ANO7: variants seen among roughly 807,000 people sequenced by gnomAD.
ANO7 encodes anoctamin 7.
A neutral mutation model predicts 115.8 loss-of-function variants in ANO7; 114 were observed. The ratio of observed to expected loss-of-function variants is 0.98; its 90% confidence interval spans 0.85 to 1.15. The LOEUF is 1.15. Among genes scored for constraint, ANO7 ranks in the 50% most tolerant of loss-of-function variants. ANO7 has a pLI of 0.00. For synonymous variants in ANO7, 550 were observed against 498.2 expected, an observed-to-expected ratio of 1.10 and a Z score of -1.38; for missense variants, 1,302 against 1,201.2, an observed-to-expected ratio of 1.08 and a Z score of -1.24.
chr2:241,229,785 C>A (rs779996804), downstream of ANO7: 2 of 505,740 alleles, frequency 4.0e-6, no homozygotes, highest in East Asian at 6.5e-5. Flanking sequence ...AGCCCGCCTG[C>A]CCGCCCACCC....
At chr2:241,226,735 C>CT (rs1250819006), downstream of ANO7, among the ~76,000 whole-genome samples, 2 of 152,164 alleles carry the variant, frequency 1.3e-5, no homozygotes, top group African/African-American at 2.4e-5. Flanking sequence ...ACATGTTTGG[C>CT]TTTAAGAGGA....
chr2:241,212,739 A>C, intron 17 of ANO7, 113 bp downstream of exon 17: 1 of 1,253,010 alleles, frequency 8.0e-7, no homozygotes, highest in Non-Finnish European at 1.1e-6. Flanking sequence ...GGCTATTTCC[A>C]TCGCCCAGCC....
At position 241,188,768 on chromosome 2, in the gene ANO7, T is replaced by TG. The variant is rs370074474; in HGVS notation, c.-8+6dup. ...CTCTTCCGGAAGCCACTGTGCCAGG[T>TG]GGGGACCCAGCCTAGACGTGTGGGC... On this transcript the variant is annotated splice_region_variant and intron_variant, in intron 1 of 24. Coordinates refer to ENST00000674324, the MANE Select transcript of ANO7 (RefSeq NM_001370694.2). The surrounding 1 kb of genome is among the most constrained non-coding windows in gnomAD (Gnocchi z 4.3). 27 of 1,610,002 alleles carry TG rather than the reference T, an allele frequency of 1.7e-5. No individual in the cohort carries two copies. In the African/African-American group the frequency reaches 3.1e-4, roughly 19 times the overall value.
At chr2:241,204,003 C>T (rs753801902) in intron 9 of ANO7, among the ~76,000 whole-genome samples, 14 of 152,198 alleles carry the variant, frequency 9.2e-5, no homozygotes, top group Non-Finnish European at 1.5e-4. Context: ...TTCTGTGCCC[C>T]AGAACTTCCA....
intron 3 of ANO7, 52 bp from the exon 4 acceptor site, chr2:241,195,651 C>T: frequency 6.4e-7 from 1 of 1,571,836 alleles, no homozygotes; most frequent in Non-Finnish European, 8.7e-7. Context: ...CTTCCCTGGG[C>T]CGGCCACTGC....
chr2:241,189,948 G>A (rs1274965979), intron 1 of ANO7, 109 bp from the exon 2 acceptor site: 11 of 807,726 alleles, frequency 1.4e-5, no homozygotes, highest in African/African-American at 3.4e-5. Flanking sequence ...ATTCTACTCC[G>A]AGTCGAGTCT....
intron 4 of ANO7, among the ~76,000 whole-genome samples, chr2:241,196,562 G>A (rs968885643): frequency 6.6e-6 from 1 of 152,220 alleles, no homozygotes; most frequent in African/African-American, 2.4e-5. Context: ...ATCCCACTCG[G>A]GGTTTCTTTA....
downstream of ANO7, chr2:241,229,395 A>G (rs2069445993): frequency 3.8e-6 from 2 of 522,744 alleles, no homozygotes; most frequent in South Asian, 2.0e-5. Context: ...AGTGTTAAAC[A>G]GTGGAGCAGG....
chr2:241,214,938 G>A (rs1419910212), intron 18 of ANO7, 36 bp downstream of exon 18: 1 of 1,588,628 alleles, frequency 6.3e-7, no homozygotes. Context: ...GGCATCCAAG[G>A]ACCGAGGGAC....
the ANO7 span, chr2:241,238,599 A>G: frequency 3.6e-6 from 5 of 1,402,558 alleles, no homozygotes; most frequent in South Asian, 3.2e-5. The surrounding 1 kb of genome is among the most constrained non-coding windows in gnomAD (Gnocchi z 4.9). Context: ...CGCCTCTCAC[A>G]TGGGAGGCGC....
chr2:241,202,119 G>A, intron 7 of ANO7, 75 bp from the exon 8 acceptor site: 1 of 1,307,714 alleles, frequency 7.6e-7, no homozygotes, highest in South Asian at 1.2e-5. Context: ...TTGGCCTAAA[G>A]ACAGGCTAGC....
At chr2:241,234,175 A>T in the ANO7 span, among the ~76,000 whole-genome samples, 1 of 152,190 alleles carries the variant, frequency 6.6e-6, no homozygotes, top group Non-Finnish European at 1.5e-5. Context: ...CTCCACAAGG[A>T]GGTCTATAAA....
At chr2:241,199,574 C>A in intron 5 of ANO7, 151 bp downstream of exon 5, 1 of 763,496 alleles carries the variant, frequency 1.3e-6, no homozygotes. Context: ...CCCCAAGAAA[C>A]CTCACTGGGC....
At chr2:241,213,239 A>G (rs2068756410) in intron 17 of ANO7, among the ~76,000 whole-genome samples, 2 of 140,964 alleles carry the variant, frequency 1.4e-5, no homozygotes, top group Non-Finnish European at 3.0e-5. Context: ...CATGGCACAC[A>G]GGGGTCGCAG....
chr2:241,192,425 CTGG>C, intron 3 of ANO7, among the ~76,000 whole-genome samples: 1 of 152,216 alleles, frequency 6.6e-6, no homozygotes, highest in East Asian at 1.9e-4. Context: ...TGAGGCAGGG[CTGG>C]TGGCTTAGAG....
chr2:241,201,186 G>T, intron 6 of ANO7, 112 bp from the exon 7 acceptor site: 1 of 1,279,878 alleles, frequency 7.8e-7, no homozygotes, highest in Non-Finnish European at 1.0e-6. Flanking sequence ...CCAGCACCCG[G>T]GCCCCAAACC....
chr2:241,223,112 G>A (rs1022744057), intron 21 of ANO7, 74 bp from the exon 22 acceptor site: 1 of 1,340,574 alleles, frequency 7.5e-7, no homozygotes, highest in African/African-American at 1.4e-5. Context: ...AGGGGAGATA[G>A]GCTAATTCCA....
chr2:241,196,233 T>G, intron 4 of ANO7: 1 of 985,224 alleles, frequency 1.0e-6, no homozygotes, highest in Non-Finnish European at 1.2e-6. Flanking sequence ...TTTCACATGT[T>G]TGCTTTCGGT....
chr2:241,211,761 C>T (rs191635660), intron 15 of ANO7, among the ~76,000 whole-genome samples: 52 of 152,290 alleles, frequency 3.4e-4, no homozygotes, highest in African/African-American at 1.2e-3. Flanking sequence ...ATGCTCCTGC[C>T]TCCGGCACCT....
Sources: allele counts gnomAD v4.1 joint callset (sites outside exome capture counted in the v4.1 genomes callset), GRCh38; gene constraint gnomAD v4.1.1; non-coding constraint Gnocchi (gnomAD v3.1); transcripts MANE v1.5; gene names NCBI Gene and HGNC (gene_info 2026-07-23, HGNC 2026-07-21).